The following PFKM variants were observed in gnomAD, a reference collection of about 807,000 sequenced individuals.
PFKM encodes ATP-dependent 6-phosphofructokinase, muscle type.
PFKM carries 58 observed loss-of-function variants against 95.5 expected under a neutral mutation model. The ratio of observed to expected loss-of-function variants is 0.61; its 90% CI spans 0.49 to 0.76. The LOEUF (loss-of-function observed/expected upper bound fraction) is 0.76, where lower values mean the gene tolerates loss of function less well. Among genes scored for constraint, PFKM ranks in the 30% least tolerant of loss-of-function variants. The pLI is 0.00. For synonymous variants in PFKM, 336 were observed against 357.2 expected (o/e 0.94, Z 0.67); for missense variants, 678 against 1,005.4 (o/e 0.67, Z 4.40).
At chr12:48,130,197 G>A (rs1229871431) in intron 2 of PFKM, among the ~76,000 whole-genome samples, 166 bp from the exon 3 acceptor site, 2 of 152,198 alleles carry the variant, frequency 1.3e-5, no homozygotes, top group Non-Finnish European at 2.9e-5. Context: ...CAGTAATTGG[G>A]AGTGGGGAGG....
intron 1 of PFKM, among the ~76,000 whole-genome samples, chr12:48,120,628 T>C (rs561025403): frequency 6.6e-6 from 1 of 152,362 alleles, no homozygotes; most frequent in African/African-American, 2.4e-5. Context: ...CACAAAAACA[T>C]CCATGATAAT....
chr12:48,130,937 C>T (rs1441662323), intron 3 of PFKM, among the ~76,000 whole-genome samples: 2 of 152,180 alleles, frequency 1.3e-5, no homozygotes, highest in Non-Finnish European at 2.9e-5. Context: ...TAGAGCAAGT[C>T]GCGTTTCTTT....
intron 1 of PFKM, chr12:48,107,286 T>TCCTAAGGCCAA (rs1946755460): frequency 2.3e-6 from 2 of 860,446 alleles, no homozygotes; most frequent in Non-Finnish European, 2.0e-6. Context: ...TAGTCATGAG[T>TCCTAAGGCCAA]GTAGCTGGTC....
intron 4 of PFKM, among the ~76,000 whole-genome samples, chr12:48,132,443 A>G (rs1949606957): frequency 6.6e-6 from 1 of 152,216 alleles, no homozygotes; most frequent in Non-Finnish European, 1.5e-5. Flanking sequence ...AAATACTACA[A>G]AACACATTGG....
intron 1 of PFKM, among the ~76,000 whole-genome samples, chr12:48,121,433 ATC>A (rs1359454626): frequency 6.6e-6 from 1 of 152,154 alleles, no homozygotes; most frequent in East Asian, 1.9e-4. Flanking sequence ...ACGTTCATTA[ATC>A]TCTGTCTGTT....
chr12:48,120,322 A>AT (rs1194298012), intron 1 of PFKM, among the ~76,000 whole-genome samples: 1 of 152,136 alleles, frequency 6.6e-6, no homozygotes, highest in Non-Finnish European at 1.5e-5. Flanking sequence ...CCGATTTTAC[A>AT]TTTTTCATAT....
At position 48,139,894 on chromosome 12, in the gene PFKM, C is replaced by A; in HGVS notation, c.1173C>A (p.Val391=). The A allele has an allele frequency of 6.2e-7, 1 of 1,612,020 alleles. No homozygotes were observed. The highest frequency in any genetic ancestry group is 1.1e-5 in the South Asian group (1 of 90,992). The stretch of plus-strand genomic sequence containing the variant: ...AGGTGTACAAGCTTCTAGCTCATGT[C>A]AGACCCCCGGTATCTAAGGTACTGG... ...NWEVYKLLAH[V]RPPVSKSGSH... is the part of the protein sequence containing the mutation. Residue 391 remains valine, a synonymous_variant, in exon 13 of 23, where the codon GTC becomes GTA. Transcript: ENST00000359794.
At chr12:48,106,418 T>C (rs1946617766) in intron 1 of PFKM, 1 of 447,460 alleles carries the variant, frequency 2.2e-6, no homozygotes, top group Non-Finnish European at 4.0e-6. Context: ...CCAGTTTCCA[T>C]GGCAGCTTTT....
At chr12:48,141,688 C>G (rs971381632) in intron 15 of PFKM, 52 bp from the exon 16 acceptor site, 1 of 1,355,820 alleles carries the variant, frequency 7.4e-7, no homozygotes, top group African/African-American at 1.4e-5. Context: ...TTTCCTGTCT[C>G]TTCCCCAAAT....
At chr12:48,144,181 C>T (rs1244061717) in intron 20 of PFKM, 24 bp downstream of exon 20, 1 of 1,477,394 alleles carries the variant, frequency 6.8e-7, no homozygotes, top group East Asian at 2.3e-5. Flanking sequence ...CGTAGTCATG[C>T]CCTTCATCAG....
rs1400584759 is a variant in PFKM, at chr12:48,145,087, T to G, written c.2049T>G (p.Ala683=). The G allele has an allele frequency of 1.9e-6, 3 of 1,614,198 alleles. No homozygotes were observed. Among genetic ancestry groups the G allele is most frequent in the Non-Finnish European group, 2.5e-6 (3 of 1,180,006 alleles). Residue 683 remains alanine (A), a synonymous_variant, in exon 21 of 23, where the codon GCT becomes GCG. Transcript: ENST00000359794. The surrounding 1 kb of genome is among the most constrained non-coding windows in gnomAD (Gnocchi z 4.3). ...TTGCCACTAAGATGGGCGCCAAGGC[T>G]ATGAACTGGATGTCTGGGAAAATCA... ...RNFATKMGAK[A]MNWMSGKIKE... is the part of the protein sequence containing the mutation.
chr12:48,123,634 A>G (rs372440449), intron 2 of PFKM, among the ~76,000 whole-genome samples: 2 of 152,212 alleles, frequency 1.3e-5, no homozygotes, highest in Admixed American at 6.5e-5. Context: ...GACAATTAGA[A>G]AGAGAGAAGG....
intron 1 of PFKM, chr12:48,106,390 GTT>G: frequency 2.1e-6 from 1 of 467,132 alleles, no homozygotes; most frequent in East Asian, 4.0e-5. Flanking sequence ...CGCCCGGCGA[GTT>G]TTGCTTGCTT....
At chr12:48,133,879 G>T (rs1330126548) in intron 6 of PFKM, among the ~76,000 whole-genome samples, 1 of 152,166 alleles carries the variant, frequency 6.6e-6, no homozygotes, top group Non-Finnish European at 1.5e-5. Flanking sequence ...AGGCAATGTA[G>T]GATGGGAGGA....
intron 1 of PFKM, among the ~76,000 whole-genome samples, chr12:48,122,310 C>T (rs72644847): frequency 2.0e-5 from 3 of 151,990 alleles, no homozygotes; most frequent in African/African-American, 7.3e-5. Context: ...TCCAACCTAC[C>T]CTTGCTCTTC....
chr12:48,105,922 C>A (rs1026076581), upstream of PFKM: 487 of 662,524 alleles, frequency 7.4e-4, 1 homozygote, highest in East Asian at 0.013. Flanking sequence ...CAGTGCTCCC[C>A]GCTTCCGCCC....
upstream of PFKM, among the ~76,000 whole-genome samples, chr12:48,117,298 T>A (rs1338506121): frequency 6.6e-6 from 1 of 152,284 alleles, no homozygotes; most frequent in Admixed American, 6.5e-5. Flanking sequence ...TAAACATTCA[T>A]GTGCAGGTTT....
At chr12:48,109,417 C>T (rs558214735) in intron 3 of PFKM, among the ~76,000 whole-genome samples, 1 of 151,658 alleles carries the variant, frequency 6.6e-6, no homozygotes, top group Admixed American at 6.6e-5. Context: ...GGTCTACATC[C>T]CTTTAATCAG....
chr12:48,126,921 A>G (rs1053927323), intron 2 of PFKM, among the ~76,000 whole-genome samples: 3 of 152,210 alleles, frequency 2.0e-5, no homozygotes, highest in East Asian at 1.9e-4. Flanking sequence ...CACATAGGCT[A>G]TTCCTCAAGC....
Sources: gnomAD v4.1 joint callset for allele counts (sites outside exome capture counted in the v4.1 genomes callset) on GRCh38, gnomAD v4.1.1 for gene constraint, Gnocchi (gnomAD v3.1) non-coding constraint, MANE v1.5 for transcripts, NCBI Gene and HGNC (gene_info 2026-07-23, HGNC 2026-07-21) for gene names.